Variants in TBCK observed in about 807,000 individuals in gnomAD.
TBCK encodes the protein TBC domain-containing protein kinase-like protein.
A neutral mutation model predicts 113.4 loss-of-function variants in TBCK; 99 were observed. The observed-to-expected ratio is 0.87, with a 90% CI of 0.74 to 1.03. The LOEUF is 1.03. TBCK is among the 50% of genes least tolerant of loss of function. The pLI, the probability that TBCK is intolerant of heterozygous loss-of-function variation, is 0.00. For synonymous variants in TBCK, 369 were observed against 370.8 expected (o/e 1.00, Z 0.05); for missense variants, 1,045 against 1,061.3 (o/e 0.98, Z 0.21).
intron 23 of TBCK, among the ~76,000 whole-genome samples, chr4:106,153,768 T>G (rs958203093): frequency 1.3e-5 from 2 of 152,140 alleles, no homozygotes; most frequent in Admixed American, 1.3e-4. Flanking sequence ...TGCTTATATA[T>G]CCTCTTGCTG....
rs577173903 is a variant in TBCK, at chr4:106,149,667, C to T, written c.2235+21428G>A. On this transcript the variant is annotated intron_variant, in intron 23 of 25. Transcript: ENST00000394708. ...TCAAAGAGCACTGATCACAGATCAC[C>T]GTAACAGATATAATAATAATGAAAA... Among the ~76,000 whole-genome samples the T allele has an allele frequency of 1.4e-4, 21 of 151,970 alleles. No homozygotes were observed. The South Asian group carries it at 1.5e-3, about 11-fold the overall frequency.
rs1036500295 is a variant in TBCK, at chr4:106,042,495, G to A, written c.*4075C>T. On this transcript the variant is annotated 3_prime_UTR_variant, in exon 26 of 26. Transcript: ENST00000394708. ...CTGCCTCAGCCTCCCGAGTAGCTGG[G>A]ACTACAGGCGCCCACCACCACGCCT... The A allele has an allele frequency of 2.0e-5, 3 of 152,046 alleles. No individual in the cohort carries two copies. The highest frequency in any genetic ancestry group is 4.4e-5 in the Non-Finnish European group (3 of 68,024). 9.4% of individuals were successfully genotyped at this position (152,046 alleles called of 1,614,324 possible).
intron 22 of TBCK, among the ~76,000 whole-genome samples, chr4:106,191,078 ATGTCTG>A (rs1381975511): frequency 1.3e-5 from 2 of 152,208 alleles, no homozygotes; most frequent in Non-Finnish European, 2.9e-5. Flanking sequence ...ATAAAAATGA[ATGTCTG>A]TGTCTGTACT....
intron 25 of TBCK, among the ~76,000 whole-genome samples, chr4:106,075,176 C>G (rs1738028139): frequency 6.6e-6 from 1 of 152,160 alleles, no homozygotes; most frequent in Admixed American, 6.5e-5. Flanking sequence ...CAGATCTGTA[C>G]AGCAGACAAA....
At chr4:106,094,669 C>T (rs898849259) in intron 25 of TBCK, among the ~76,000 whole-genome samples, 7 of 152,156 alleles carry the variant, frequency 4.6e-5, no homozygotes, top group Non-Finnish European at 1.0e-4. Context: ...CTCTTTGTCC[C>T]TCTATTCTCT....
rs1276926725 is a variant in TBCK, at chr4:106,073,306, T to C, written c.2571+22176A>G. ...TTGGTGTGGATGCCCTTTTTGTTGA[T>C]GTTGATGCTATTCCTTTCTGTTTGT... On this transcript the variant is annotated intron_variant, in intron 25 of 25. Coordinates refer to ENST00000394708, the MANE Select transcript of TBCK (RefSeq NM_001163435.3). 2.6e-5 allele frequency among the ~76,000 whole-genome samples: 4 copies of C among 152,224 alleles called. No homozygotes were observed. The South Asian group carries it at 8.3e-4, about 31-fold the overall frequency.
At chr4:106,117,859 A>T (rs1743729864) in intron 23 of TBCK, among the ~76,000 whole-genome samples, 2 of 152,142 alleles carry the variant, frequency 1.3e-5, no homozygotes, top group South Asian at 4.2e-4. Context: ...AATACAAAAA[A>T]TTAGCCGGGC....
At chr4:106,096,161 A>G (rs1740876057) in intron 24 of TBCK, among the ~76,000 whole-genome samples, 2 of 152,210 alleles carry the variant, frequency 1.3e-5, no homozygotes, top group Non-Finnish European at 2.9e-5. Context: ...AGAATTTATG[A>G]TCATGGGTAG....
At chr4:106,093,334 G>A (rs752189078) in intron 25 of TBCK, among the ~76,000 whole-genome samples, 39 of 152,188 alleles carry the variant, frequency 2.6e-4, no homozygotes, top group Middle Eastern at 6.8e-3. Flanking sequence ...GTGAAACCCC[G>A]TCTCTACTAA....
chr4:106,239,611 AAG>A (rs1199789720), intron 12 of TBCK, among the ~76,000 whole-genome samples: 1 of 152,070 alleles, frequency 6.6e-6, no homozygotes, highest in African/African-American at 2.4e-5. Context: ...GAAGCACCGG[AAG>A]AGTGTTACAG....
chr4:106,316,286 T>G, upstream of TBCK: 1 of 389,920 alleles, frequency 2.6e-6, no homozygotes, highest in Non-Finnish European at 4.7e-6. Flanking sequence ...CCCCGACTTG[T>G]GGTGTCCTTC....
At chr4:106,082,956 A>C (rs935240136) in intron 25 of TBCK, among the ~76,000 whole-genome samples, 1 of 152,254 alleles carries the variant, frequency 6.6e-6, no homozygotes, top group Non-Finnish European at 1.5e-5. Context: ...TGTGCAACCC[A>C]TGGATTGGAA....
chr4:106,311,188 TACAG>T (rs1768158169), intron 1 of TBCK, among the ~76,000 whole-genome samples: 1 of 137,834 alleles, frequency 7.3e-6, no homozygotes, highest in Non-Finnish European at 1.5e-5. Context: ...ATTATATTCC[TACAG>T]AAACTCCTAC....
Position 106,309,582 on chromosome 4 carries a change from G to A in TBCK, c.-29-593C>T, listed in dbSNP as rs543305398. Among the ~76,000 whole-genome samples, 96 of 152,008 alleles carry A rather than the reference G, an allele frequency of 6.3e-4. 3 individuals are homozygous for A. The highest frequency in any genetic ancestry group is 1.7e-3 in the Admixed American group (26 of 15,264). On this transcript the variant is annotated intron_variant, in intron 1 of 25. Coordinates refer to ENST00000394708, the MANE Select transcript of TBCK (RefSeq NM_001163435.3). ...CTCTCAAAGTGCTGGGATTACAGGC[G>A]TGAGCCACCACACCCAGCCAATAAG...
chr4:106,223,629 CT>C (rs1757938879), intron 19 of TBCK, among the ~76,000 whole-genome samples: 1 of 152,090 alleles, frequency 6.6e-6, no homozygotes, highest in Admixed American at 6.6e-5. Flanking sequence ...ATTGGGGAAA[CT>C]TTCTCCTAAT....
intron 25 of TBCK, among the ~76,000 whole-genome samples, chr4:106,064,149 G>T (rs921447176): frequency 1.3e-5 from 2 of 151,932 alleles, no homozygotes; most frequent in Non-Finnish European, 2.9e-5. Context: ...ACAGGGGAGT[G>T]TAAATTAACA....
intron 3 of TBCK, 62 bp downstream of exon 3, chr4:106,295,032 A>C: frequency 7.0e-7 from 1 of 1,422,470 alleles, no homozygotes; most frequent in African/African-American, 1.4e-5. Flanking sequence ...CAGTTTAAAC[A>C]AAATGCCTTT....
chr4:106,093,070 G>A (rs1410162701), intron 25 of TBCK, among the ~76,000 whole-genome samples: 1 of 152,230 alleles, frequency 6.6e-6, no homozygotes, highest in African/African-American at 2.4e-5. Context: ...TAGGTGTATT[G>A]AGATTGTTCT....
intron 1 of TBCK, among the ~76,000 whole-genome samples, chr4:106,309,307 T>C (rs537699281): frequency 0.028 from 2,628 of 93,014 alleles, 46 homozygotes; most frequent in Non-Finnish European, 0.045. Flanking sequence ...GCTCTTCTCT[T>C]TTTTTTTTTT....
Sources: gnomAD v4.1 joint callset for allele counts (sites outside exome capture counted in the v4.1 genomes callset) on GRCh38, gnomAD v4.1.1 for gene constraint, MANE v1.5 for transcripts, NCBI Gene and HGNC (gene_info 2026-07-23, HGNC 2026-07-21) for gene names.